Variants in HS6ST2 observed in about 807,000 individuals in gnomAD.
HS6ST2 encodes the protein heparan sulfate 6-O-sulfotransferase 2.
HS6ST2 carries 17 observed loss-of-function variants against 33.0 expected under a neutral mutation model. That is an observed-to-expected ratio of 0.52 (90% CI 0.35 to 0.77). HS6ST2 has a LOEUF of 0.77. Ranked by LOEUF, HS6ST2 falls within the 30% of genes least tolerant of loss-of-function variation. HS6ST2 has a pLI of 0.01. For synonymous variants in HS6ST2, 248 were observed against 237.1 expected, an observed-to-expected ratio of 1.05 and a Z score of -0.42; for missense variants, 519 against 551.7, an observed-to-expected ratio of 0.94 and a Z score of 0.59.
intron 2 of HS6ST2, among the ~76,000 whole-genome samples, chrX:132,915,279 C>T (rs764648261): frequency 4.5e-5 from 5 of 112,323 alleles, no homozygotes; most frequent in Non-Finnish European, 9.4e-5. Flanking sequence ...GGCTATGGCA[C>T]CAACTTGTAG....
chrX:132,821,150 C>A (rs2065450759), intron 2 of HS6ST2, among the ~76,000 whole-genome samples: 2 of 108,007 alleles, frequency 1.9e-5, no homozygotes, highest in Admixed American at 2.0e-4. Context: ...ACTGAGAGAT[C>A]ATCAAAAGCA....
At chrX:132,858,883 C>T (rs954765304) in intron 2 of HS6ST2, among the ~76,000 whole-genome samples, 4 of 112,190 alleles carry the variant, frequency 3.6e-5, no homozygotes, top group East Asian at 5.6e-4. Context: ...TCTTGGCACC[C>T]GTTCTTCTAG....
intron 3 of HS6ST2, among the ~76,000 whole-genome samples, chrX:132,674,763 C>T (rs1316002833): frequency 8.0e-5 from 9 of 112,018 alleles, no homozygotes; most frequent in Non-Finnish European, 1.7e-4. Flanking sequence ...GCCAATAGAA[C>T]GGTATCTAAC....
intron 2 of HS6ST2, among the ~76,000 whole-genome samples, chrX:132,789,640 A>G (rs1005980019): frequency 2.7e-5 from 3 of 112,657 alleles, no homozygotes; most frequent in African/African-American, 9.7e-5. Flanking sequence ...GGAAAAGTAA[A>G]GTAAAAACCT....
intron 3 of HS6ST2, among the ~76,000 whole-genome samples, chrX:132,697,136 T>C (rs1243738626): frequency 8.9e-6 from 1 of 112,471 alleles, no homozygotes; most frequent in African/African-American, 3.2e-5. Flanking sequence ...TCCTGTAGAA[T>C]GTGACTTGCC....
chrX:132,805,845 A>G (rs771339591), intron 2 of HS6ST2, among the ~76,000 whole-genome samples: 40 of 110,681 alleles, frequency 3.6e-4, no homozygotes, highest in African/African-American at 1.2e-3. Context: ...CACCCACTAG[A>G]GGCCACCTTA....
intron 2 of HS6ST2, among the ~76,000 whole-genome samples, chrX:132,812,405 AAATAATAATAATAATAATAAT>A (rs55880539): frequency 1.2e-5 from 1 of 84,944 alleles, no homozygotes; most frequent in Admixed American, 1.4e-4. Flanking sequence ...ACTCTGTCTC[AAATAATAATAATAATAATAAT>A]AATAATAATA....
intron 2 of HS6ST2, among the ~76,000 whole-genome samples, chrX:132,926,506 A>G (rs1187083439): frequency 1.8e-5 from 2 of 112,725 alleles, no homozygotes; most frequent in African/African-American, 6.4e-5. Flanking sequence ...GTTTAGGTCC[A>G]GTTGTTTGGA....
chrX:132,793,294 C>T (rs898937596), intron 2 of HS6ST2, among the ~76,000 whole-genome samples: 3 of 109,128 alleles, frequency 2.7e-5, no homozygotes, highest in Non-Finnish European at 3.8e-5. Flanking sequence ...CTCCTGACCT[C>T]AGGTGATCCA....
intron 3 of HS6ST2, among the ~76,000 whole-genome samples, chrX:132,702,211 C>A (rs753386064): frequency 8.0e-5 from 9 of 112,556 alleles, no homozygotes; most frequent in African/African-American, 2.9e-4. Context: ...CCTCCAGGAT[C>A]ATCTATTTAA....
At chrX:132,673,300 G>A (rs1427687192) in intron 3 of HS6ST2, among the ~76,000 whole-genome samples, 1 of 112,373 alleles carries the variant, frequency 8.9e-6, no homozygotes, top group East Asian at 2.8e-4. Context: ...TGGGCTCAAT[G>A]GAAAGAAGTG....
chrX:132,960,510 T>A (rs2067135546), upstream of HS6ST2, among the ~76,000 whole-genome samples: 1 of 110,464 alleles, frequency 9.1e-6, no homozygotes, highest in Admixed American at 9.6e-5. Context: ...GAGGGATTAG[T>A]GGCATTGGAA....
intron 2 of HS6ST2, among the ~76,000 whole-genome samples, chrX:132,799,829 T>C (rs1038405964): frequency 9.0e-6 from 1 of 111,649 alleles, no homozygotes; most frequent in African/African-American, 3.3e-5. Context: ...ATTATGGAGG[T>C]GATTCAATGA....
chrX:132,955,881 C>T lies in HS6ST2; in HGVS notation c.947+927G>A, dbSNP rs146577783. 8.5e-3 allele frequency among the ~76,000 whole-genome samples: 957 copies of T among 112,870 alleles called. 10 individuals carry two copies. Among genetic ancestry groups the T allele is most frequent in the African/African-American group, 0.028 (877 of 31,076 alleles). ...TCAGCTTTTACCGCATCAGCCCAGGCTCACAGAACATGGGCTGGCAGCGCC... is the reference window on the plus strand; with the variant it reads ...TCAGCTTTTACCGCATCAGCCCAGGTTCACAGAACATGGGCTGGCAGCGCC... On this transcript the variant is annotated intron_variant, in intron 2 of 4. Transcript: ENST00000370833.
intron 2 of HS6ST2, among the ~76,000 whole-genome samples, chrX:132,763,151 G>A (rs766613486): frequency 1.8e-4 from 20 of 112,053 alleles, no homozygotes; most frequent in Admixed American, 1.1e-3. Flanking sequence ...ACCTCAGGAT[G>A]ATGGAAAGAC....
At chrX:132,735,695 C>A (rs1301426643) in intron 2 of HS6ST2, among the ~76,000 whole-genome samples, 1 of 111,715 alleles carries the variant, frequency 9.0e-6, no homozygotes, top group Non-Finnish European at 1.9e-5. Context: ...TGGGCTTTGG[C>A]CCGAGGACGC....
At chrX:132,675,676 T>C (rs1165911272) in intron 3 of HS6ST2, among the ~76,000 whole-genome samples, 1 of 111,801 alleles carries the variant, frequency 8.9e-6, no homozygotes, top group Non-Finnish European at 1.9e-5. Context: ...CTATGCTGTT[T>C]TCACCTTGGT....
chrX:132,932,392 C>T (rs2066781151), intron 2 of HS6ST2, among the ~76,000 whole-genome samples: 1 of 111,400 alleles, frequency 9.0e-6, no homozygotes, highest in Admixed American at 9.6e-5. Flanking sequence ...AAACTGTTAT[C>T]CCACTGTGAC....
intron 4 of HS6ST2, among the ~76,000 whole-genome samples, chrX:132,654,594 A>AT (rs920376160): frequency 3.6e-5 from 4 of 111,936 alleles, no homozygotes; most frequent in East Asian, 2.8e-4. Context: ...TTATGTATCC[A>AT]TTTTTTTTAG....
Sources: gnomAD v4.1 joint callset for allele counts (sites outside exome capture counted in the v4.1 genomes callset) on GRCh38, gnomAD v4.1.1 for gene constraint, MANE v1.5 for transcripts, NCBI Gene and HGNC (gene_info 2026-07-23, HGNC 2026-07-21) for gene names.